Variants in TERF1 observed in about 807,000 individuals in gnomAD.
The protein encoded by TERF1 is telomeric repeat binding factor 1, also known as telomeric repeat-binding factor 1.
A neutral mutation model predicts 55.1 loss-of-function variants in TERF1; 20 were observed. That is an observed-to-expected ratio of 0.36 (90% CI 0.26 to 0.53). TERF1 has a LOEUF of 0.53. TERF1 is among the 20% of genes least tolerant of loss of function. The pLI, the probability that TERF1 is intolerant of heterozygous loss-of-function variation, is 0.91. For synonymous variants in TERF1, 168 were observed against 181.2 expected, an observed-to-expected ratio of 0.93 and a Z score of 0.59; for missense variants, 439 against 535.7, an observed-to-expected ratio of 0.82 and a Z score of 1.78.
intron 2 of TERF1, chr8:73,018,850 G>C (rs1808635072): frequency 6.6e-6 from 1 of 152,048 alleles, no homozygotes; most frequent in African/African-American, 2.4e-5. Context: ...GAAGTTTTTT[G>C]TCTTCAAGAC....
intron 9 of TERF1, 80 bp downstream of exon 9, chr8:73,039,299 ACCT>A (rs1809735945): frequency 9.8e-7 from 1 of 1,020,098 alleles, no homozygotes; most frequent in Non-Finnish European, 1.4e-6. Flanking sequence ...TTTCTGTTCA[ACCT>A]CCCCAAAATT....
In TERF1 at chr8:73,037,131, TTAA is replaced by T. The variant is rs1171540524; in HGVS notation, c.1040-1980_1040-1978del. ...ATAAAACCCCATATATACTATATAA[TTAA>T]TAATTTATATATTATAATATATAAT... On this transcript the variant is annotated intron_variant, in intron 8 of 9. Transcript: ENST00000276603. Among the ~76,000 whole-genome samples, 5 of 131,204 alleles carry T rather than the reference TTAA, an allele frequency of 3.8e-5. No homozygotes were observed. The East Asian group carries it at 8.0e-4, about 21-fold the overall frequency. The allele number at this position is 131,204 out of a possible 152,430, so 86.1% of individuals were successfully genotyped here.
At chr8:73,019,389 C>A (rs1333742862) in intron 2 of TERF1, among the ~76,000 whole-genome samples, 1 of 152,180 alleles carries the variant, frequency 6.6e-6, no homozygotes, top group East Asian at 1.9e-4. Flanking sequence ...ATTATTAAAA[C>A]CCAAGAGTCC....
chr8:73,028,404 A>G (rs914246270), intron 6 of TERF1, among the ~76,000 whole-genome samples: 2 of 152,072 alleles, frequency 1.3e-5, no homozygotes, highest in Non-Finnish European at 2.9e-5. Context: ...ATTTTTATCT[A>G]TATAGCTTTG....
At chr8:73,034,092 C>G (rs540601491) in intron 8 of TERF1, among the ~76,000 whole-genome samples, 12 of 151,022 alleles carry the variant, frequency 7.9e-5, no homozygotes, top group African/African-American at 2.9e-4. Flanking sequence ...GCTGGGACCA[C>G]AGGCACATGC....
At chr8:73,044,450 A>T (rs988489724) in intron 9 of TERF1, among the ~76,000 whole-genome samples, 1 of 152,176 alleles carries the variant, frequency 6.6e-6, no homozygotes, top group African/African-American at 2.4e-5. Context: ...GATGGTTCTC[A>T]TGTCATGTTT....
chr8:73,021,950 T>C (rs1422481082), intron 3 of TERF1, among the ~76,000 whole-genome samples: 2 of 152,230 alleles, frequency 1.3e-5, no homozygotes, highest in Admixed American at 1.3e-4. Context: ...TAATACATAC[T>C]TTTCATTTGG....
At chr8:73,030,150 CTT>C (rs1809221328) in intron 6 of TERF1, 184 bp from the exon 7 acceptor site, 1 of 403,990 alleles carries the variant, frequency 2.5e-6, no homozygotes, top group South Asian at 9.2e-5. Context: ...TTTAATACCT[CTT>C]ATAAGCATGT....
chr8:73,046,835 G>A lies in TERF1; in HGVS notation c.*698G>A, dbSNP rs1227237870. On this transcript the variant is annotated 3_prime_UTR_variant, in exon 10 of 10. Coordinates refer to ENST00000276603, the MANE Select transcript of TERF1 (RefSeq NM_017489.3). ...GATGATTGAATAACAGTAGTCCTTT[G>A]ATAGAAGATAATGACTTGGTTTATG... 1 of 152,114 alleles carries A rather than the reference G, an allele frequency of 6.6e-6. No homozygotes were observed. Among genetic ancestry groups the A allele is most frequent in the Non-Finnish European group, 1.5e-5 (1 of 68,024 alleles). 9.4% of individuals were successfully genotyped at this position (152,114 alleles called of 1,614,324 possible).
At chr8:73,038,998 CAT>C (rs1809718952) in intron 8 of TERF1, 116 bp from the exon 9 acceptor site, 9 of 829,832 alleles carry the variant, frequency 1.1e-5, no homozygotes, top group African/African-American at 1.8e-5. Context: ...AAAAGTTAAA[CAT>C]GTACTTTTTC....
rs533433781 is a variant in TERF1 at position 73,033,832 on chromosome 8, T to C, written c.1039+1699T>C. On this transcript the variant is annotated intron_variant, in intron 8 of 9. Coordinates refer to ENST00000276603, the MANE Select transcript of TERF1 (RefSeq NM_017489.3). ...TTGAGTTTTAGCACATTTTATTAGG[T>C]GTCAGTAATAAGTACGTTTTCTTAA... Among the ~76,000 whole-genome samples the C allele has an allele frequency of 9.2e-5, 14 of 152,320 alleles. No individual in the cohort carries two copies. The East Asian group carries it at 2.7e-3, about 29-fold the overall frequency.
At chr8:73,009,510 T>A (rs56373870) in intron 1 of TERF1, 1 of 327,156 alleles carries the variant, frequency 3.1e-6, no homozygotes, top group African/African-American at 2.2e-5. Context: ...TTGTCTCTTT[T>A]GGCGCTTTCT....
In TERF1 at chr8:73,046,163, G is replaced by T. The variant is rs1348210715; in HGVS notation, c.*26G>T. On this transcript the variant is annotated 3_prime_UTR_variant, in exon 10 of 10. Coordinates refer to ENST00000276603, the MANE Select transcript of TERF1 (RefSeq NM_017489.3). The stretch of plus-strand genomic sequence containing the variant: ...TTGTGTTTGTAAAAGCTTGATGAAA[G>T]GACAGTTAAGTATTTTGATCACTGC... The T allele has an allele frequency of 2.0e-6, 3 of 1,520,546 alleles. No homozygotes were observed. Among genetic ancestry groups the T allele is most frequent in the African/African-American group, 2.8e-5 (2 of 70,800 alleles). The allele number at this position is 1,520,546 out of a possible 1,614,324, so 94.2% of individuals were successfully genotyped here.
chr8:73,019,965 T>C (rs1313041208), intron 2 of TERF1, among the ~76,000 whole-genome samples: 1 of 152,150 alleles, frequency 6.6e-6, no homozygotes, highest in Non-Finnish European at 1.5e-5. Flanking sequence ...CTGTATTGTT[T>C]ACTACTCTGA....
chr8:73,043,780 T>A (rs1341363628), intron 9 of TERF1, among the ~76,000 whole-genome samples: 1 of 152,204 alleles, frequency 6.6e-6, no homozygotes, highest in Admixed American at 6.5e-5. Flanking sequence ...GTGCACCTTA[T>A]TAAAAATACT....
intron 3 of TERF1, 42 bp from the exon 4 acceptor site, chr8:73,022,174 A>T (rs1483106116): frequency 1.6e-6 from 2 of 1,234,476 alleles, no homozygotes; most frequent in Non-Finnish European, 2.3e-6. Flanking sequence ...ACTATTGGGT[A>T]TTTATAAACG....
At chr8:73,044,272 A>G (rs1205012767) in intron 9 of TERF1, among the ~76,000 whole-genome samples, 1 of 152,204 alleles carries the variant, frequency 6.6e-6, no homozygotes, top group Admixed American at 6.5e-5. Context: ...GCTGCAGACA[A>G]ACAAAAGCAA....
At chr8:73,014,024 T>G in intron 2 of TERF1, 34 bp downstream of exon 2, 1 of 1,484,606 alleles carries the variant, frequency 6.7e-7, no homozygotes. Flanking sequence ...ATTGGAAATA[T>G]TTCAATCTGT....
rs1356879831 is a variant in TERF1, at chr8:73,008,919, C to T, written c.33C>T (p.Ser11=). ...AGGATGTTTCCTCAGCGGCCCCGAG[C>T]CCGCGGGGCTGTGCGGATGGTAGGG... MAEDVSSAAP[S]PRGCADGRDA... Residue 11 remains serine (S), a synonymous_variant, in exon 1 of 10, where the codon AGC becomes AGT. Coordinates refer to ENST00000276603, the MANE Select transcript of TERF1 (RefSeq NM_017489.3). 1.9e-6 allele frequency: 3 copies of T among 1,611,424 alleles called. No homozygotes were observed. Among genetic ancestry groups the T allele is most frequent in the Non-Finnish European group, 2.5e-6 (3 of 1,179,064 alleles).
Sources: gnomAD v4.1 joint callset for allele counts (sites outside exome capture counted in the v4.1 genomes callset) on GRCh38, gnomAD v4.1.1 for gene constraint, MANE v1.5 for transcripts, NCBI Gene and HGNC (gene_info 2026-07-23, HGNC 2026-07-21) for gene names.